SHROOM2: variants seen among roughly 807,000 people sequenced by gnomAD.
SHROOM2 encodes the protein protein Shroom2.
A neutral mutation model predicts 75.9 loss-of-function variants in SHROOM2; 33 were observed. That is an observed-to-expected ratio of 0.43 (90% CI 0.33 to 0.58). The LOEUF is 0.58. SHROOM2 is among the 20% of genes least tolerant of loss of function. SHROOM2 has a pLI of 0.04. For missense variants in SHROOM2, 1,434 were observed against 1,461.2 expected, an observed-to-expected ratio of 0.98 and a Z score of 0.30; for synonymous variants, 655 against 663.6, an observed-to-expected ratio of 0.99 and a Z score of 0.20.
chrX:9,883,245 T>C (rs949874653), intron 2 of SHROOM2, among the ~76,000 whole-genome samples: 1 of 112,242 alleles, frequency 8.9e-6, no homozygotes, highest in East Asian at 2.8e-4. Context: ...GGAAAGTCTT[T>C]GCTGAGGACA....
chrX:9,942,443 C>CA (rs1569180474), intron 8 of SHROOM2, among the ~76,000 whole-genome samples: 3 of 110,910 alleles, frequency 2.7e-5, no homozygotes, highest in Non-Finnish European at 5.7e-5. Flanking sequence ...ACTGCACCCC[C>CA]CACACACACC....
chrX:9,793,640 G>A (rs1350049360), intron 1 of SHROOM2, among the ~76,000 whole-genome samples: 1 of 110,516 alleles, frequency 9.0e-6, no homozygotes, highest in Non-Finnish European at 1.9e-5. Context: ...AACTACTCAG[G>A]CACAATTCTT....
chrX:9,930,325 G>C (rs1179244255), intron 5 of SHROOM2, among the ~76,000 whole-genome samples: 1 of 110,530 alleles, frequency 9.0e-6, no homozygotes, highest in Non-Finnish European at 1.9e-5. Flanking sequence ...AGACCAGCCT[G>C]GGCAACATGG....
intron 1 of SHROOM2, among the ~76,000 whole-genome samples, chrX:9,826,390 T>C (rs1037196582): frequency 8.9e-6 from 1 of 112,026 alleles, no homozygotes; most frequent in Non-Finnish European, 1.9e-5. Flanking sequence ...AACCTTTTTC[T>C]TTTTTTGACA....
chrX:9,878,418 G>T (rs1483869572), intron 2 of SHROOM2, among the ~76,000 whole-genome samples: 3 of 112,389 alleles, frequency 2.7e-5, no homozygotes, highest in African/African-American at 9.7e-5. Flanking sequence ...GGCTGCAAGG[G>T]TTTGCGAGAC....
chrX:9,884,838 C>T (rs2084252208), intron 2 of SHROOM2, among the ~76,000 whole-genome samples: 1 of 111,194 alleles, frequency 9.0e-6, no homozygotes, highest in Non-Finnish European at 1.9e-5. Flanking sequence ...CCAGAAAACT[C>T]GATATTGTCG....
intron 1 of SHROOM2, chrX:9,865,288 A>G (rs775810272): frequency 1.8e-5 from 2 of 112,008 alleles, no homozygotes; most frequent in South Asian, 7.4e-4. Flanking sequence ...CAGAACTACT[A>G]AAAAACTTGC....
At chrX:9,802,456 C>T (rs924336954) in intron 1 of SHROOM2, among the ~76,000 whole-genome samples, 2 of 112,133 alleles carry the variant, frequency 1.8e-5, no homozygotes, top group African/African-American at 6.5e-5. Flanking sequence ...TGAGGCTTTG[C>T]AGAGGTTCTG....
intron 1 of SHROOM2, among the ~76,000 whole-genome samples, chrX:9,857,532 A>G (rs139818007): frequency 0.01 from 1,095 of 109,279 alleles, 8 homozygotes; most frequent in African/African-American, 0.033. Flanking sequence ...AACTACAGGC[A>G]CACACCACCA....
chrX:9,890,686 C>T (rs758224515), intron 2 of SHROOM2, among the ~76,000 whole-genome samples: 2 of 107,455 alleles, frequency 1.9e-5, no homozygotes, highest in Admixed American at 9.7e-5. Flanking sequence ...GCGCTGCGTG[C>T]GGTCCTCGAG....
At chrX:9,861,074 A>G (rs2084100855) in intron 1 of SHROOM2, among the ~76,000 whole-genome samples, 2 of 112,437 alleles carry the variant, frequency 1.8e-5, no homozygotes, top group Admixed American at 1.9e-4. Context: ...CAAGTTCTAG[A>G]GATCTCTTAC....
rs144161839 is a variant in SHROOM2, at chrX:9,833,608, C to CTGTGTGTGTGTGTGTGTGTGTG, written c.166-40027_166-40006dup. ...CAATGAAGAGACACACAAGTAGACT[C>CTGTGTGTGTGTGTGTGTGTGTG]TGTGTGTGTGTGTGTGTGTGTGTGT... On this transcript the variant is annotated intron_variant, in intron 1 of 9. Coordinates refer to ENST00000380913, the MANE Select transcript of SHROOM2 (RefSeq NM_001649.4). Among the ~76,000 whole-genome samples, 52 of 95,368 alleles carry CTGTGTGTGTGTGTGTGTGTGTG rather than the reference C, an allele frequency of 5.5e-4. No homozygotes were observed. In the East Asian group the frequency reaches 6.8e-3, roughly 12 times the overall value. The allele number at this position is 95,368 out of a possible 115,157, so 82.8% of individuals were successfully genotyped here. A position where few individuals can be genotyped will look rare whatever the true frequency, so the allele number is the denominator to read the frequency against.
chrX:9,915,056 G>A (rs376350197), intron 5 of SHROOM2, among the ~76,000 whole-genome samples: 1 of 111,606 alleles, frequency 9.0e-6, no homozygotes, highest in Non-Finnish European at 1.9e-5. Context: ...GGTGTGGCTT[G>A]CGAAGCCACC....
intron 5 of SHROOM2, among the ~76,000 whole-genome samples, chrX:9,904,919 T>A (rs2084383637): frequency 8.9e-6 from 1 of 112,336 alleles, no homozygotes; most frequent in Non-Finnish European, 1.9e-5. Context: ...TGGAGTGCAG[T>A]GGCACAATCA....
intron 1 of SHROOM2, among the ~76,000 whole-genome samples, chrX:9,814,046 T>C (rs766383280): frequency 2.5e-4 from 28 of 111,933 alleles, no homozygotes; most frequent in African/African-American, 8.4e-4. Flanking sequence ...CACGAATCTA[T>C]TTTGCAAGGC....
At chrX:9,812,578 T>G (rs2083797524) in intron 1 of SHROOM2, among the ~76,000 whole-genome samples, 1 of 112,150 alleles carries the variant, frequency 8.9e-6, no homozygotes, top group Non-Finnish European at 1.9e-5. Flanking sequence ...TGAATTTTAG[T>G]CAGATTTATT....
intron 2 of SHROOM2, among the ~76,000 whole-genome samples, chrX:9,880,208 G>T (rs971765711): frequency 1.8e-5 from 2 of 112,791 alleles, no homozygotes; most frequent in East Asian, 5.6e-4. Context: ...CTGGGATCAC[G>T]TGCTGACCTC....
chrX:9,806,477 T>C (rs765902297), intron 1 of SHROOM2, among the ~76,000 whole-genome samples: 1 of 107,096 alleles, frequency 9.3e-6, no homozygotes, highest in South Asian at 3.9e-4. Flanking sequence ...TATATATATG[T>C]ATGTATATAT....
At chrX:9,788,460 A>T (rs1209514490) in intron 1 of SHROOM2, among the ~76,000 whole-genome samples, 1 of 111,254 alleles carries the variant, frequency 9.0e-6, no homozygotes, top group African/African-American at 3.3e-5. Context: ...CGTGTAGTAG[A>T]ACTGGGAGGG....
Sources: gnomAD v4.1 joint callset for allele counts (sites outside exome capture counted in the v4.1 genomes callset) on GRCh38, gnomAD v4.1.1 for gene constraint, MANE v1.5 for transcripts, NCBI Gene and HGNC (gene_info 2026-07-23, HGNC 2026-07-21) for gene names.